MUC4: variants seen among roughly 807,000 people sequenced by gnomAD.
The protein encoded by MUC4 is mucin-4.
A neutral mutation model predicts 257.9 loss-of-function variants in MUC4; 202 were observed. The observed-to-expected ratio is 0.78, with a 90% CI of 0.70 to 0.88. The LOEUF (loss-of-function observed/expected upper bound fraction) is 0.88. MUC4 is among the 40% of genes least tolerant of loss of function. The pLI, the probability that MUC4 is intolerant of heterozygous loss-of-function variation, is 0.00. For missense variants in MUC4, 5,976 were observed against 6,513.7 expected, an observed-to-expected ratio of 0.92 and a Z score of 2.84; for synonymous variants, 2,351 against 2,757.1, an observed-to-expected ratio of 0.85 and a Z score of 4.62.
chr3:195,762,389 G>A (rs941217168), intron 13 of MUC4, 135 bp from the exon 14 acceptor site: 8 of 1,000,162 alleles, frequency 8.0e-6, no homozygotes, highest in Non-Finnish European at 1.1e-5. Context: ...ACTGGAGGCG[G>A]AGAAGAGGCC....
At chr3:195,762,337 A>AC (rs1318421886) in intron 13 of MUC4, 83 bp from the exon 14 acceptor site, 1 of 1,394,014 alleles carries the variant, frequency 7.2e-7, no homozygotes, top group African/African-American at 1.5e-5. Context: ...GGCCCGCACC[A>AC]CCCCCACCCC....
Position 195,778,732 on chromosome 3 carries a change from G to A in MUC4, c.12790+58C>T, listed in dbSNP as rs998386002. 1.8e-5 allele frequency: 27 copies of A among 1,507,276 alleles called. No homozygotes were observed. The Admixed American group carries it at 2.4e-4, about 13-fold the overall frequency. 93.4% of individuals were successfully genotyped at this position (1,507,276 alleles called of 1,614,324 possible). Reference sequence around the variant, plus strand: ...ACCAGTGTTCTCAGGTACTCCTTAGGCTGAATTCCGCCAAGGGGCCCACTG... The same window carrying A: ...ACCAGTGTTCTCAGGTACTCCTTAGACTGAATTCCGCCAAGGGGCCCACTG... On this transcript the variant is annotated intron_variant, in intron 2 of 24. Coordinates refer to ENST00000463781, the MANE Select transcript of MUC4 (RefSeq NM_018406.7).
At chr3:195,752,945 G>C in intron 20 of MUC4, 106 bp downstream of exon 20, 1 of 1,026,970 alleles carries the variant, frequency 9.7e-7, no homozygotes, top group Middle Eastern at 3.2e-4. Context: ...TCTGTCCTGT[G>C]ACCCCAGAGC....
intron 1 of MUC4, among the ~76,000 whole-genome samples, chr3:195,792,339 T>C (rs748269808): frequency 2.6e-5 from 4 of 152,170 alleles, no homozygotes; most frequent in Non-Finnish European, 5.9e-5. Context: ...CAGACACTTA[T>C]CAAAAGAAGA....
chr3:195,771,555 T>C, intron 5 of MUC4, 97 bp downstream of exon 5: 1 of 1,377,404 alleles, frequency 7.3e-7, no homozygotes, highest in South Asian at 1.4e-5. Flanking sequence ...CTGCAGGGGC[T>C]GTCACAGCAG....
Position 195,753,240 on chromosome 3 carries a change from G to A in MUC4, c.15329-10C>T. 6.2e-7 allele frequency: 1 copy of A among 1,613,258 alleles called. No individual in the cohort carries two copies. The highest frequency in any genetic ancestry group is 2.2e-5 in the East Asian group (1 of 44,794). On this transcript the variant is annotated splice_polypyrimidine_tract_variant and intron_variant, in intron 19 of 24. Coordinates refer to ENST00000463781, the MANE Select transcript of MUC4 (RefSeq NM_018406.7). The stretch of plus-strand genomic sequence containing the variant: ...AAAGAGCTCCCCAGAGCTGCAGAGT[G>A]AGTAGGGAGGTCAGCAGCAGCGCGC...
intron 1 of MUC4, among the ~76,000 whole-genome samples, chr3:195,796,690 CA>C (rs1176853780): frequency 6.7e-6 from 1 of 149,200 alleles, no homozygotes; most frequent in East Asian, 2.0e-4. Context: ...GACTCCGTCT[CA>C]AAAAAAAATA....
At position 195,789,427 on chromosome 3, in the gene MUC4, C is replaced by G. The variant is rs752974836; in HGVS notation, c.2153G>C (p.Ser718Thr). The stretch of plus-strand genomic sequence containing the variant: ...GGGCCCCAGGGTGGCATCATGGCTG[C>G]TGGGTGCTGCCTGCAGTGCTGTGGT... ...APTTALQAAP[S>T]SHDATLGPSG... Residue 718 changes from serine to threonine, a missense_variant, in exon 2 of 25, where the codon AGC becomes ACC. By Grantham distance (58) the Ser-to-Thr change is moderately conservative (BLOSUM62 1). Transcript: ENST00000463781. 1.9e-6 allele frequency: 3 copies of G among 1,613,966 alleles called. No individual in the cohort carries two copies. In the South Asian group the frequency reaches 3.3e-5, roughly 18 times the overall value.
At position 195,760,925 on chromosome 3, in the gene MUC4, C is replaced by G; in HGVS notation, c.14807G>C (p.Arg4936Thr). Residue 4936 changes from arginine (R) to threonine (T), a missense_variant, in exon 16 of 25, where the codon AGG becomes ACG. Coordinates refer to ENST00000463781, the MANE Select transcript of MUC4 (RefSeq NM_018406.7). ...CTGCTCGTAGTTTTTACTGACTTCC[C>G]TCGTGTGAAGTCCGATGCTTGCGTT... ...LRNASIGLHT[R>T]EVSKNYEQAN... 1 of 1,614,208 alleles carries G rather than the reference C, an allele frequency of 6.2e-7. No homozygotes were observed. The highest frequency in any genetic ancestry group is 8.5e-7 in the Non-Finnish European group (1 of 1,180,040).
chr3:195,778,591 T>A (rs1162884690), intron 2 of MUC4, 136 bp from the exon 3 acceptor site: 2 of 1,319,954 alleles, frequency 1.5e-6, no homozygotes, highest in Admixed American at 2.6e-5. Context: ...TCCAAACTAC[T>A]CTCGACATCA....
rs1733795693 is a variant in MUC4 at position 195,791,059 on chromosome 3, C to T, written c.521G>A (p.Gly174Glu). ...PVTSAVSITA[G>E]QEGQSRTTSW... ...AGTTGTTCGTGATTGTCCTTCCTGT[C>T]CAGCTGTTATTGAGACTGCTGAGGT... Residue 174 changes from glycine to glutamate, a missense_variant, in exon 2 of 25, where the codon GGA (glycine) becomes GAA (glutamate). Physicochemically the swap from Gly to Glu is moderately conservative, Grantham distance 98. This residue lies in a region of MUC4 where 1,583 missense variants were observed against 1,257.4 expected (regional missense o/e 1.26). Transcript: ENST00000463781. The T allele has an allele frequency of 2.5e-6, 4 of 1,613,460 alleles. No homozygotes were observed. Among genetic ancestry groups the T allele is most frequent in the Middle Eastern group, 1.6e-4 (1 of 6,062 alleles).
Position 195,778,412 on chromosome 3 carries a change from T to C in MUC4, c.12834A>G (p.Thr4278=), listed in dbSNP as rs1473104077. The part of the protein sequence containing the change: ...PSLKTDGGRR[T]ATSPPPTTSQ... Reference sequence around the variant, plus strand: ...AGGTTGTGGGGGGTGGTGATGTGGCTGTGCGTCTCCCACCGTCTGTCTTCA... The same window carrying C: ...AGGTTGTGGGGGGTGGTGATGTGGCCGTGCGTCTCCCACCGTCTGTCTTCA... Residue 4278 remains threonine (T), a synonymous_variant, in exon 3 of 25, where the codon ACA becomes ACG. Coordinates refer to ENST00000463781, the MANE Select transcript of MUC4 (RefSeq NM_018406.7). 6.2e-7 allele frequency: 1 copy of C among 1,613,052 alleles called. No homozygotes were observed. The highest frequency in any genetic ancestry group is 8.5e-7 in the Non-Finnish European group (1 of 1,179,868).
chr3:195,790,551 G>A lies in MUC4; in HGVS notation c.1029C>T (p.Thr343=). The change falls in exon 2 of 25, where the codon ACC becomes ACT. Residue 343 remains threonine (T), a synonymous_variant. Transcript: ENST00000463781. Reference sequence around the variant, plus strand: ...CAGTTGATGTTGTAACCGGTGTGAGGGTGTTGAGGGTGTTGATTTGAGATA... The same window carrying A: ...CAGTTGATGTTGTAACCGGTGTGAGAGTGTTGAGGGTGTTGATTTGAGATA... The part of the protein sequence containing the change: ...TRVSQINTLN[T]LTPVTTSTVL... 1.9e-6 allele frequency: 3 copies of A among 1,613,972 alleles called. No homozygotes were observed. The highest frequency in any genetic ancestry group is 2.5e-6 in the Non-Finnish European group (3 of 1,179,878).
chr3:195,781,465 C>T lies in MUC4; in HGVS notation c.10115G>A (p.Gly3372Asp), dbSNP rs200518413. 4,407 of 1,449,496 alleles carry T rather than the reference C, an allele frequency of 3.0e-3. 1,671 individuals are homozygous for T. Among genetic ancestry groups the T allele is most frequent in the Middle Eastern group, 0.014 (58 of 4,124 alleles). 89.8% of individuals were successfully genotyped at this position (1,449,496 alleles called of 1,614,324 possible). The change falls in exon 2 of 25, where the codon GGT (glycine) becomes GAT (aspartate). Residue 3372 changes from glycine (G) to aspartate (D), a missense_variant. Coordinates refer to ENST00000463781, the MANE Select transcript of MUC4 (RefSeq NM_018406.7). ...PVTGLSSASTGDTTRLPVTDI... is the reference protein window; with the variant it reads ...PVTGLSSASTDDTTRLPVTDI... ...GGTGACAGGAAGACGGGTGGTGTCA[C>T]CTGTGGAAGCTGAGGAAAGGCCGGT...
intron 3 of MUC4, among the ~76,000 whole-genome samples, chr3:195,775,873 A>G (rs866910970): frequency 3.2e-5 from 3 of 93,926 alleles, no homozygotes; most frequent in African/African-American, 1.3e-4. Context: ...TACCTTCCAC[A>G]CCCATACCTT....
intron 1 of MUC4, among the ~76,000 whole-genome samples, chr3:195,801,818 CT>C (rs1326583850): frequency 2.1e-4 from 32 of 152,254 alleles, no homozygotes; most frequent in Middle Eastern, 3.4e-3. Context: ...GCGCCCCCCC[CT>C]CCACGTGCTC....
At chr3:195,805,324 A>G (rs1735841087) in intron 1 of MUC4, among the ~76,000 whole-genome samples, 1 of 152,012 alleles carries the variant, frequency 6.6e-6, no homozygotes, top group African/African-American at 2.4e-5. Flanking sequence ...TCGCCACAGA[A>G]GCTCCAGCAC....
rs1244966274 is a variant in MUC4, at chr3:195,776,879, C to G, written c.12943+1424G>C. ...ACCTTCCACACCCATACCTTCCACA[C>G]CCATACCTTCCACACCCTTACCTTC... is the stretch of plus-strand genomic sequence containing the variant. On this transcript the variant is annotated intron_variant, in intron 3 of 24. Transcript: ENST00000463781. Among the ~76,000 whole-genome samples, 8 of 10,408 alleles carry G rather than the reference C, an allele frequency of 7.7e-4. 1 individual carries two copies. Among genetic ancestry groups the G allele is most frequent in the African/African-American group, 1.7e-3 (6 of 3,566 alleles). 6.8% of individuals were successfully genotyped at this position (10,408 alleles called of 152,430 possible).
Position 195,788,500 on chromosome 3 carries a change from A to G in MUC4, c.3080T>C (p.Val1027Ala), listed in dbSNP as rs1348586890. The G allele has an allele frequency of 6.7e-7, 1 of 1,493,592 alleles. No homozygotes were observed. The highest frequency in any genetic ancestry group is 9.0e-7 in the Non-Finnish European group (1 of 1,116,294). The allele number at this position is 1,493,592 out of a possible 1,614,324, so 92.5% of individuals were successfully genotyped here. A position where few individuals can be genotyped will look rare whatever the true frequency, so the allele number is the denominator to read the frequency against. Residue 1027 changes from valine (V) to alanine (A), a missense_variant, in exon 2 of 25, where the codon GTC becomes GCC. Physicochemically the swap from Val to Ala is moderately conservative, Grantham distance 64. Transcript: ENST00000463781. ...TGTGGATTCTGAGGAAGTGTCGGTG[A>G]CAGGAAGAGGGGTGGTGTGACCTGT... Reference protein sequence around the residue: ...VSTGHTTPLPVTDTSSESTGH... With the variant: ...VSTGHTTPLPATDTSSESTGH...
Sources: allele counts gnomAD v4.1 joint callset (sites outside exome capture counted in the v4.1 genomes callset), GRCh38; gene constraint gnomAD v4.1.1; regional missense constraint gnomAD v4.1.1; transcripts MANE v1.5; gene names NCBI Gene and HGNC (gene_info 2026-07-23, HGNC 2026-07-21).